WWOX: variants seen among roughly 807,000 people sequenced by gnomAD.
WWOX encodes WW domain-containing oxidoreductase.
A neutral mutation model predicts 46.2 loss-of-function variants in WWOX; 69 were observed. The ratio of observed to expected loss-of-function variants is 1.49; its 90% CI spans 1.23 to 1.82. WWOX has a LOEUF of 1.82. Among genes scored for constraint, WWOX ranks in the 40% most tolerant of loss-of-function variants. WWOX has a pLI of 0.00. For missense variants in WWOX, 919 were observed against 542.6 expected, an observed-to-expected ratio of 1.69 and a Z score of -6.89; for synonymous variants, 359 against 202.6, an observed-to-expected ratio of 1.77 and a Z score of -6.56.
At chr16:78,836,578 T>G (rs577832657) in intron 8 of WWOX, among the ~76,000 whole-genome samples, 268 of 152,294 alleles carry the variant, frequency 1.8e-3, no homozygotes, top group African/African-American at 6.1e-3. Context: ...CATTCCTCAG[T>G]TCCTGCACTG....
chr16:79,032,575 T>C (rs765361508), intron 8 of WWOX, among the ~76,000 whole-genome samples: 92 of 148,312 alleles, frequency 6.2e-4, no homozygotes, highest in Non-Finnish European at 9.8e-4. Flanking sequence ...TACATACATA[T>C]ATAATTTGGG....
At chr16:79,177,487 A>G (rs971036367) in intron 8 of WWOX, among the ~76,000 whole-genome samples, 9 of 152,184 alleles carry the variant, frequency 5.9e-5, no homozygotes, top group African/African-American at 2.2e-4. Flanking sequence ...CAAAGCTTTT[A>G]TGGGGTCATT....
At chr16:78,645,985 C>A (rs1037353093) in intron 8 of WWOX, among the ~76,000 whole-genome samples, 2 of 152,136 alleles carry the variant, frequency 1.3e-5, no homozygotes, top group Non-Finnish European at 2.9e-5. Context: ...TGCTCCTTCT[C>A]TCCCCCTCCT....
intron 8 of WWOX, among the ~76,000 whole-genome samples, chr16:78,962,059 C>G (rs79730335): frequency 0.011 from 1,697 of 152,134 alleles, 26 homozygotes; most frequent in African/African-American, 0.038. Flanking sequence ...TACCTATGAT[C>G]CAGTGGGTTG....
At chr16:78,129,464 C>T (rs566807646) in intron 4 of WWOX, among the ~76,000 whole-genome samples, 26 of 152,236 alleles carry the variant, frequency 1.7e-4, no homozygotes, top group South Asian at 1.5e-3. Context: ...AGAAATGGTT[C>T]AGTAAAAATA....
At chr16:79,054,153 T>A (rs1172251782) in intron 8 of WWOX, among the ~76,000 whole-genome samples, 2 of 152,236 alleles carry the variant, frequency 1.3e-5, no homozygotes, top group Admixed American at 6.5e-5. Flanking sequence ...GTGGTTAGGC[T>A]GACATAATTA....
intron 8 of WWOX, among the ~76,000 whole-genome samples, chr16:78,764,145 CTG>C (rs2049868719): frequency 6.6e-6 from 1 of 152,158 alleles, no homozygotes; most frequent in African/African-American, 2.4e-5. Context: ...CGAAAAGTCA[CTG>C]TGTTTCTCCT....
chr16:78,697,839 C>A (rs998476760), intron 8 of WWOX, among the ~76,000 whole-genome samples: 1 of 152,044 alleles, frequency 6.6e-6, no homozygotes, highest in Non-Finnish European at 1.5e-5. Flanking sequence ...TGTTTTGGTC[C>A]TGACAATACC....
chr16:78,176,303 C>A (rs77075150), intron 5 of WWOX, among the ~76,000 whole-genome samples: 3,248 of 152,244 alleles, frequency 0.021, 111 homozygotes, highest in African/African-American at 0.074. Flanking sequence ...TTCTTTGTAA[C>A]CCCTGTCCCT....
intron 5 of WWOX, among the ~76,000 whole-genome samples, chr16:78,172,652 T>C (rs942669253): frequency 6.6e-6 from 1 of 151,896 alleles, no homozygotes; most frequent in Non-Finnish European, 1.5e-5. Flanking sequence ...AAACTTTATA[T>C]CCATGTAACC....
intron 8 of WWOX, among the ~76,000 whole-genome samples, chr16:79,076,255 C>A (rs1313380288): frequency 6.6e-6 from 1 of 152,168 alleles, no homozygotes; most frequent in African/African-American, 2.4e-5. Flanking sequence ...CGTGTTTGCT[C>A]CCTTTACAGA....
intron 8 of WWOX, among the ~76,000 whole-genome samples, chr16:78,962,322 TTTTTAA>T (rs1465542327): frequency 1.1e-5 from 1 of 93,718 alleles, no homozygotes; most frequent in African/African-American, 4.9e-5. Flanking sequence ...TTTTTTTTTT[TTTTTAA>T]AAAAAAAAAA....
At chr16:78,625,442 T>C (rs1282526488) in intron 8 of WWOX, among the ~76,000 whole-genome samples, 1 of 152,140 alleles carries the variant, frequency 6.6e-6, no homozygotes, top group Non-Finnish European at 1.5e-5. Context: ...GTTGTTTAAT[T>C]TCAGTTGGTA....
intron 8 of WWOX, among the ~76,000 whole-genome samples, chr16:78,500,258 A>G (rs1265644198): frequency 6.6e-6 from 1 of 152,206 alleles, no homozygotes; most frequent in South Asian, 2.1e-4. Context: ...AACAGAAGGT[A>G]TGAATTGCTT....
chr16:79,011,829 T>G (rs2047316975), intron 8 of WWOX, among the ~76,000 whole-genome samples: 1 of 152,022 alleles, frequency 6.6e-6, no homozygotes, highest in Admixed American at 6.6e-5. Flanking sequence ...AAAACTCTTT[T>G]GTGTTTTAGA....
chr16:78,659,600 C>G (rs2047166179), intron 8 of WWOX, among the ~76,000 whole-genome samples: 1 of 152,174 alleles, frequency 6.6e-6, no homozygotes, highest in African/African-American at 2.4e-5. Flanking sequence ...CCAAAGTGCA[C>G]TTGCTTTGCA....
At chr16:78,648,154 C>G (rs1181195058) in intron 8 of WWOX, among the ~76,000 whole-genome samples, 1 of 152,210 alleles carries the variant, frequency 6.6e-6, no homozygotes, top group Non-Finnish European at 1.5e-5. Flanking sequence ...TACATTACCA[C>G]CTCCCAGGAG....
intron 7 of WWOX, among the ~76,000 whole-genome samples, chr16:78,428,385 A>G (rs548035947): frequency 9.8e-5 from 15 of 152,336 alleles, no homozygotes; most frequent in Middle Eastern, 3.4e-3. Context: ...CACTTCCTGG[A>G]GGACTGTCAG....
chr16:78,212,004 CTATT>C (rs1318238206), intron 5 of WWOX, among the ~76,000 whole-genome samples: 1 of 152,134 alleles, frequency 6.6e-6, no homozygotes, highest in Non-Finnish European at 1.5e-5. Flanking sequence ...CATGGGAGCT[CTATT>C]TATTTGAACA....
Sources: gnomAD v4.1 joint callset for allele counts (sites outside exome capture counted in the v4.1 genomes callset) on GRCh38, gnomAD v4.1.1 for gene constraint, MANE v1.5 for transcripts, NCBI Gene and HGNC (gene_info 2026-07-23, HGNC 2026-07-21) for gene names.